SLC24A2: variants seen among roughly 807,000 people sequenced by gnomAD.
SLC24A2 encodes the protein solute carrier family 24 member 2.
Under a neutral mutation model 62.0 loss-of-function variants are expected in SLC24A2, and 36 were observed. The ratio of observed to expected loss-of-function variants is 0.58; its 90% confidence interval spans 0.44 to 0.77. SLC24A2 has a LOEUF of 0.77. Ranked by LOEUF, SLC24A2 falls within the 30% of genes least tolerant of loss-of-function variation. SLC24A2 has a pLI of 0.00. For synonymous variants in SLC24A2, 358 were observed against 294.0 expected (o/e 1.22, Z -2.23); for missense variants, 846 against 817.9 (o/e 1.03, Z -0.42).
intron 6 of SLC24A2, 59 bp downstream of exon 6, chr9:19,576,863 ACT>A (rs1836029214): frequency 4.6e-5 from 59 of 1,280,548 alleles, no homozygotes; most frequent in Non-Finnish European, 6.3e-5. Context: ...ACTGGTCCTG[ACT>A]CTCTGCTCCC....
intron 8 of SLC24A2, among the ~76,000 whole-genome samples, chr9:19,535,588 A>G (rs1408765070): frequency 6.6e-6 from 1 of 152,188 alleles, no homozygotes; most frequent in Non-Finnish European, 1.5e-5. Context: ...CAATTTTCCC[A>G]GCACCATTGA....
At chr9:19,940,503 G>T in the SLC24A2 span, among the ~76,000 whole-genome samples, 1 of 152,038 alleles carries the variant, frequency 6.6e-6, no homozygotes, top group East Asian at 1.9e-4. Flanking sequence ...TTTAGGGGTT[G>T]GACTACATGA....
chr9:19,878,729 T>C, the SLC24A2 span, among the ~76,000 whole-genome samples: 1 of 152,156 alleles, frequency 6.6e-6, no homozygotes, highest in African/African-American at 2.4e-5. Context: ...TCTGCCATGA[T>C]TGTAAGTTTC....
chr9:20,091,671 G>A, the SLC24A2 span, among the ~76,000 whole-genome samples: 1 of 152,138 alleles, frequency 6.6e-6, no homozygotes. Context: ...GAGGGAGTCT[G>A]TTACCACCCG....
chr9:19,977,655 T>A, the SLC24A2 span, among the ~76,000 whole-genome samples: 3 of 152,304 alleles, frequency 2.0e-5, no homozygotes, highest in East Asian at 3.9e-4. Flanking sequence ...ATTTCCTGCT[T>A]CAGGGATTTT....
At chr9:19,546,837 G>T (rs1408796992) in intron 8 of SLC24A2, among the ~76,000 whole-genome samples, 1 of 152,174 alleles carries the variant, frequency 6.6e-6, no homozygotes, top group Non-Finnish European at 1.5e-5. Flanking sequence ...GGTATCTTCT[G>T]GTCTGTGGGT....
Position 19,560,326 on chromosome 9 carries a change from C to G in SLC24A2, c.1348-10058G>C, listed in dbSNP as rs190360237. 4.9e-4 allele frequency among the ~76,000 whole-genome samples: 62 copies of G among 125,256 alleles called. No individual in the cohort carries two copies. In the East Asian group the frequency reaches 0.016, roughly 31 times the overall value. The allele number at this position is 125,256 out of a possible 152,430, so 82.2% of individuals were successfully genotyped here. On this transcript the variant is annotated intron_variant, in intron 7 of 10. Transcript: ENST00000341998. ...GCCCCCCACCCCCAATTCATATTCCCAAACTCTACTCTCTACACTCCTCTG... is the reference window on the plus strand; with the variant it reads ...GCCCCCCACCCCCAATTCATATTCCGAAACTCTACTCTCTACACTCCTCTG...
chr9:20,184,085 C>A, the SLC24A2 span, among the ~76,000 whole-genome samples: 1 of 152,106 alleles, frequency 6.6e-6, no homozygotes, highest in Non-Finnish European at 1.5e-5. Flanking sequence ...AAACAAATAA[C>A]CCAATTTAAA....
chr9:20,177,938 T>A, the SLC24A2 span, among the ~76,000 whole-genome samples: 2 of 152,084 alleles, frequency 1.3e-5, no homozygotes, highest in African/African-American at 4.8e-5. Context: ...GAGCCAAGAT[T>A]TGAACCCCTA....
At chr9:19,675,186 CAA>C (rs758112395) in intron 2 of SLC24A2, among the ~76,000 whole-genome samples, 1 of 152,136 alleles carries the variant, frequency 6.6e-6, no homozygotes, top group Non-Finnish European at 1.5e-5. Context: ...GGGGTGTCTG[CAA>C]AGAGTCCTGT....
At chr9:20,204,558 G>A in the SLC24A2 span, among the ~76,000 whole-genome samples, 118 of 152,112 alleles carry the variant, frequency 7.8e-4, no homozygotes, top group South Asian at 1.0e-3. Flanking sequence ...TGCTGATGTC[G>A]TACTGGTGTT....
At chr9:19,881,634 A>C in the SLC24A2 span, among the ~76,000 whole-genome samples, 37 of 152,196 alleles carry the variant, frequency 2.4e-4, no homozygotes, top group Non-Finnish European at 7.3e-5. Context: ...ACGTTAACTT[A>C]GGGGTACACA....
chr9:19,688,645 G>A (rs930708236), intron 2 of SLC24A2, among the ~76,000 whole-genome samples: 4 of 152,096 alleles, frequency 2.6e-5, no homozygotes, highest in Non-Finnish European at 4.4e-5. Context: ...TTTTAAGGAC[G>A]CAAAGCAGAA....
the SLC24A2 span, among the ~76,000 whole-genome samples, chr9:20,141,753 C>G: frequency 6.6e-6 from 1 of 152,168 alleles, no homozygotes; most frequent in East Asian, 1.9e-4. Context: ...CCCAACCTCT[C>G]TTTCTGCACC....
the SLC24A2 span, among the ~76,000 whole-genome samples, chr9:19,874,753 C>G: frequency 2.0e-5 from 3 of 152,174 alleles, no homozygotes; most frequent in Non-Finnish European, 1.5e-5. Flanking sequence ...TCAGCTTTGT[C>G]TGCGTCTGAG....
chr9:20,157,544 T>C, the SLC24A2 span, among the ~76,000 whole-genome samples: 1 of 151,620 alleles, frequency 6.6e-6, no homozygotes, highest in Admixed American at 6.6e-5. Context: ...GACTTCATAT[T>C]TCACAACTAC....
the SLC24A2 span, among the ~76,000 whole-genome samples, chr9:20,107,358 T>C: frequency 6.6e-6 from 1 of 151,278 alleles, no homozygotes; most frequent in Non-Finnish European, 1.5e-5. Flanking sequence ...GAAGTTCATA[T>C]GGAACCAAAA....
chr9:19,845,478 T>C, the SLC24A2 span, among the ~76,000 whole-genome samples: 1 of 152,170 alleles, frequency 6.6e-6, no homozygotes, highest in South Asian at 2.1e-4. Flanking sequence ...TAGTTTGATT[T>C]CTTGTTTTCC....
chr9:19,667,507 G>T (rs1020753279), intron 2 of SLC24A2, among the ~76,000 whole-genome samples: 1 of 152,056 alleles, frequency 6.6e-6, no homozygotes, highest in African/African-American at 2.4e-5. Context: ...CCCTATGTTT[G>T]CTCCCTGGAC....
Sources: allele counts gnomAD v4.1 joint callset (sites outside exome capture counted in the v4.1 genomes callset), GRCh38; gene constraint gnomAD v4.1.1; transcripts MANE v1.5; gene names NCBI Gene and HGNC (gene_info 2026-07-23, HGNC 2026-07-21).